OXSR1: variants seen among roughly 807,000 people sequenced by gnomAD.
OXSR1 encodes the protein serine/threonine-protein kinase OSR1.
A neutral mutation model predicts 79.8 loss-of-function variants in OXSR1; 24 were observed. That is an observed-to-expected ratio of 0.30 (90% CI 0.22 to 0.42). The LOEUF is 0.42. Ranked by LOEUF, OXSR1 falls within the 10% of genes least tolerant of loss-of-function variation. The pLI is 1.00. For missense variants in OXSR1, 430 were observed against 618.4 expected (o/e 0.70, Z 3.23); for synonymous variants, 226 against 209.2 (o/e 1.08, Z -0.69).
intron 4 of OXSR1, among the ~76,000 whole-genome samples, chr3:38,208,902 AAAAAAT>A (rs1204465238): frequency 2.6e-5 from 4 of 152,182 alleles, no homozygotes; most frequent in East Asian, 1.9e-4. Context: ...ACTCCATCTC[AAAAAAT>A]AAAAATAAAA....
intron 1 of OXSR1, among the ~76,000 whole-genome samples, chr3:38,178,618 ATATTTTTTTT>A (rs1701720112): frequency 1.2e-5 from 1 of 86,744 alleles, no homozygotes; most frequent in African/African-American, 5.3e-5. Context: ...ATATATATAT[ATATTTTTTTT>A]TTTTTTTTTT....
chr3:38,248,980 A>G (rs1703200554), intron 14 of OXSR1, among the ~76,000 whole-genome samples: 1 of 152,232 alleles, frequency 6.6e-6, no homozygotes, highest in African/African-American at 2.4e-5. Context: ...ATGTACTTAC[A>G]CAGCTAAAAG....
chr3:38,247,651 C>A lies in OXSR1; in HGVS notation c.1258-17C>A, dbSNP rs753162338. ...AATGTTTCAGGCAATGACTGTATAC[C>A]TTTCAATGCTTTTTAGGCTTTGTCT... On this transcript the variant is annotated splice_polypyrimidine_tract_variant and intron_variant, in intron 13 of 17. Coordinates refer to ENST00000311806, the MANE Select transcript of OXSR1 (RefSeq NM_005109.3). 7.1e-5 allele frequency: 114 copies of A among 1,598,770 alleles called. No homozygotes were observed. The highest frequency in any genetic ancestry group is 9.1e-5 in the Non-Finnish European group (106 of 1,166,460).
chr3:38,196,184 G>A (rs923611864), intron 3 of OXSR1, among the ~76,000 whole-genome samples: 1 of 152,082 alleles, frequency 6.6e-6, no homozygotes, highest in Non-Finnish European at 1.5e-5. Context: ...CTACATACGC[G>A]GTTATAACTT....
At chr3:38,207,689 A>G (rs569234683) in intron 4 of OXSR1, among the ~76,000 whole-genome samples, 2 of 152,286 alleles carry the variant, frequency 1.3e-5, no homozygotes, top group Admixed American at 1.3e-4. Flanking sequence ...TGGGACAAGA[A>G]CACCTATGTT....
intron 1 of OXSR1, among the ~76,000 whole-genome samples, chr3:38,176,433 CTAA>C (rs957887760): frequency 3.3e-5 from 5 of 152,062 alleles, no homozygotes; most frequent in African/African-American, 1.2e-4. Flanking sequence ...AAATTTTTTT[CTAA>C]TGAGAGAACG....
At chr3:38,203,986 G>A (rs958151235) in intron 4 of OXSR1, among the ~76,000 whole-genome samples, 2 of 152,154 alleles carry the variant, frequency 1.3e-5, no homozygotes, top group Non-Finnish European at 2.9e-5. Flanking sequence ...GCCTGGAGTC[G>A]GAAACCTTAG....
chr3:38,240,701 A>T (rs1228744018), intron 11 of OXSR1, among the ~76,000 whole-genome samples: 2 of 139,190 alleles, frequency 1.4e-5, no homozygotes, highest in East Asian at 2.0e-4. Context: ...AAAGATACTT[A>T]AAAAAAAAAA....
chr3:38,169,562 C>T (rs1701535904), intron 1 of OXSR1, among the ~76,000 whole-genome samples: 1 of 152,060 alleles, frequency 6.6e-6, no homozygotes, highest in Non-Finnish European at 1.5e-5. Flanking sequence ...TGCTTGGCCT[C>T]CCAAAGTGCT....
chr3:38,211,863 G>T (rs978131994), intron 4 of OXSR1, among the ~76,000 whole-genome samples: 1 of 152,078 alleles, frequency 6.6e-6, no homozygotes, highest in Non-Finnish European at 1.5e-5. Flanking sequence ...AATTTATCCA[G>T]CATCTCTTTG....
intron 2 of OXSR1, among the ~76,000 whole-genome samples, chr3:38,184,712 G>A (rs1347084487): frequency 3.3e-5 from 5 of 152,012 alleles, no homozygotes; most frequent in African/African-American, 1.2e-4. Flanking sequence ...GTACTTCAGT[G>A]TACTTTAACC....
chr3:38,194,409 AAGCTCGTACATGT>A (rs1435961395), intron 3 of OXSR1, among the ~76,000 whole-genome samples: 4 of 152,134 alleles, frequency 2.6e-5, no homozygotes, highest in African/African-American at 9.7e-5. Context: ...ACAATTAGCT[AAGCTCGTACATGT>A]AGCCCTGGCT....
rs1247334392 is a variant in OXSR1 at position 38,216,119 on chromosome 3, T to C, written c.458T>C (p.Leu153Pro). Reference protein sequence around the residue: ...IHRDVKAGNILLGEDGSVQIA... With the variant: ...IHRDVKAGNIPLGEDGSVQIA... ...AGAGATGTGAAAGCTGGAAACATTC[T>C]TCTTGGAGAAGATGGCTCAGTACAG... Residue 153 changes from leucine to proline, a missense_variant, in exon 5 of 18, where the codon CTT becomes CCT. Leu to Pro is a moderately conservative substitution (Grantham distance 98). This residue lies in a region of OXSR1 where 145 missense variants were observed against 228.3 expected (regional missense o/e 0.64). Coordinates refer to ENST00000311806, the MANE Select transcript of OXSR1 (RefSeq NM_005109.3). 1 of 1,598,740 alleles carries C rather than the reference T, an allele frequency of 6.3e-7. No homozygotes were observed. The highest frequency in any genetic ancestry group is 8.5e-7 in the Non-Finnish European group (1 of 1,169,952).
intron 14 of OXSR1, among the ~76,000 whole-genome samples, chr3:38,248,609 T>C (rs138403818): frequency 1.9e-4 from 29 of 152,282 alleles, no homozygotes; most frequent in African/African-American, 6.3e-4. Flanking sequence ...TAATTGGAGA[T>C]AGAGGCAGCA....
At chr3:38,221,263 T>A (rs9845474) in intron 5 of OXSR1, among the ~76,000 whole-genome samples, 1 of 151,776 alleles carries the variant, frequency 6.6e-6, no homozygotes, top group Non-Finnish European at 1.5e-5. Context: ...TGGAGTGAGG[T>A]ACCTGCTAAG....
At chr3:38,184,426 C>T (rs1479663552) in intron 2 of OXSR1, among the ~76,000 whole-genome samples, 1 of 152,078 alleles carries the variant, frequency 6.6e-6, no homozygotes, top group Non-Finnish European at 1.5e-5. Context: ...TACTTTAGAG[C>T]ACCATTTGGA....
chr3:38,234,744 G>T (rs1318249831), intron 10 of OXSR1, among the ~76,000 whole-genome samples: 3 of 152,228 alleles, frequency 2.0e-5, no homozygotes, highest in Non-Finnish European at 2.9e-5. Flanking sequence ...CTAGGCACAC[G>T]CCAGAGAATT....
At chr3:38,185,635 A>G (rs774952799) in intron 2 of OXSR1, among the ~76,000 whole-genome samples, 4 of 151,444 alleles carry the variant, frequency 2.6e-5, no homozygotes, top group Admixed American at 6.6e-5. Context: ...AAGATTTAAA[A>G]TAAAATCCAA....
chr3:38,172,359 A>G (rs1265540115), intron 1 of OXSR1, among the ~76,000 whole-genome samples: 3 of 152,164 alleles, frequency 2.0e-5, no homozygotes, highest in African/African-American at 7.2e-5. Flanking sequence ...TATTGCTAAT[A>G]ATACAATATG....
Sources: gnomAD v4.1 joint callset for allele counts (sites outside exome capture counted in the v4.1 genomes callset) on GRCh38, gnomAD v4.1.1 for gene constraint, gnomAD v4.1.1 regional missense constraint, MANE v1.5 for transcripts, NCBI Gene and HGNC (gene_info 2026-07-23, HGNC 2026-07-21) for gene names.